The following TENM3 variants were observed in gnomAD, a reference collection of about 807,000 sequenced individuals.
TENM3 encodes teneurin-3.
In TENM3, 63 loss-of-function variants were observed where a neutral mutation model predicts 255.1. That is an observed-to-expected ratio of 0.25 (90% CI 0.20 to 0.30). The LOEUF (loss-of-function observed/expected upper bound fraction) is 0.30, where lower values mean the gene tolerates loss of function less well. Among genes scored for constraint, TENM3 ranks in the 10% least tolerant of loss-of-function variants. The pLI is 1.00. For synonymous variants in TENM3, 1,306 were observed against 1,322.3 expected, an observed-to-expected ratio of 0.99 and a Z score of 0.27; for missense variants, 2,929 against 3,461.1, an observed-to-expected ratio of 0.85 and a Z score of 3.86.
intron 3 of TENM3, among the ~76,000 whole-genome samples, chr4:182,360,753 A>T (rs536476664): frequency 1.3e-3 from 193 of 152,054 alleles, no homozygotes; most frequent in African/African-American, 4.2e-3. Flanking sequence ...TGTGAATTTG[A>T]ACCTGTCATT....
rs558843141 is a variant in TENM3 at position 182,189,752 on chromosome 4, G to T, written c.-76+44998G>T. On this transcript the variant is annotated intron_variant, in intron 1 of 2. Transcript: ENST00000512480. ...AGGCGTGTGGGTGTGTGTGTTGGGG[G>T]TGGTGGGGGCCAGGCTGCATGAGTG... 1.8e-3 allele frequency among the ~76,000 whole-genome samples: 277 copies of T among 152,218 alleles called. 2 individuals are homozygous for T. Among genetic ancestry groups the T allele is most frequent in the African/African-American group, 6.4e-3 (266 of 41,504 alleles).
chr4:182,184,952 G>A (rs1290385755), intron 1 of TENM3, among the ~76,000 whole-genome samples: 1 of 151,972 alleles, frequency 6.6e-6, no homozygotes, highest in African/African-American at 2.4e-5. Context: ...GCATGGTGGT[G>A]GGCGCCTGTG....
At chr4:182,235,524 G>A (rs1483519754) in intron 1 of TENM3, among the ~76,000 whole-genome samples, 1 of 152,156 alleles carries the variant, frequency 6.6e-6, no homozygotes, top group East Asian at 1.9e-4. Flanking sequence ...CCAAGATTTA[G>A]AGTAAGAATA....
the TENM3 span, among the ~76,000 whole-genome samples, chr4:181,508,039 T>G: frequency 6.6e-6 from 1 of 152,254 alleles, no homozygotes; most frequent in Non-Finnish European, 1.5e-5. Context: ...GGAAAAGCTT[T>G]AATTAGGCCT....
intron 6 of TENM3, among the ~76,000 whole-genome samples, chr4:182,657,467 G>A (rs1046348353): frequency 3.3e-5 from 5 of 151,832 alleles, no homozygotes; most frequent in African/African-American, 1.2e-4. Context: ...CATATTCCAG[G>A]TTCATCTTTG....
At chr4:182,382,482 G>A (rs1401644401) in intron 3 of TENM3, among the ~76,000 whole-genome samples, 1 of 152,026 alleles carries the variant, frequency 6.6e-6, no homozygotes, top group African/African-American at 2.4e-5. Context: ...CATTCACACT[G>A]CAGTTGAAGG....
At chr4:181,499,109 T>C in the TENM3 span, among the ~76,000 whole-genome samples, 1 of 152,198 alleles carries the variant, frequency 6.6e-6, no homozygotes, top group Admixed American at 6.5e-5. Flanking sequence ...TAATAGATAA[T>C]GACCCACAAC....
intron 1 of TENM3, among the ~76,000 whole-genome samples, chr4:182,228,237 G>A (rs1756314946): frequency 6.6e-6 from 1 of 151,678 alleles, no homozygotes; most frequent in African/African-American, 2.4e-5. Context: ...AGCTGTTCTT[G>A]CCACAAAATA....
the TENM3 span, among the ~76,000 whole-genome samples, chr4:181,763,397 A>T: frequency 6.6e-6 from 1 of 152,194 alleles, no homozygotes; most frequent in East Asian, 1.9e-4. Flanking sequence ...AATTTTCCAG[A>T]TAAAGTGTCA....
At chr4:182,229,615 T>C (rs1049642230) in intron 1 of TENM3, among the ~76,000 whole-genome samples, 2 of 151,464 alleles carry the variant, frequency 1.3e-5, no homozygotes, top group African/African-American at 4.9e-5. Context: ...TGTGTGTATA[T>C]ATATGTGTAT....
chr4:181,520,767 C>T, the TENM3 span, among the ~76,000 whole-genome samples: 3 of 152,128 alleles, frequency 2.0e-5, no homozygotes, highest in African/African-American at 7.2e-5. Flanking sequence ...ATATCAGGCA[C>T]CAAATGCAGG....
chr4:182,508,537 T>A (rs577653076), intron 3 of TENM3, among the ~76,000 whole-genome samples: 1 of 152,338 alleles, frequency 6.6e-6, no homozygotes, highest in East Asian at 1.9e-4. Flanking sequence ...TTATATCTAA[T>A]CAGAATGATA....
intron 12 of TENM3, among the ~76,000 whole-genome samples, chr4:182,713,290 G>A (rs1357590138): frequency 6.6e-6 from 1 of 152,098 alleles, no homozygotes. Context: ...TTTTATTGTG[G>A]TCCTTATGGT....
the TENM3 span, among the ~76,000 whole-genome samples, chr4:181,499,841 G>A: frequency 2.6e-5 from 4 of 152,174 alleles, no homozygotes; most frequent in African/African-American, 9.7e-5. Context: ...AGAGATAAGT[G>A]ACTTTTCAGA....
At chr4:182,298,866 G>A (rs982556775) in intron 1 of TENM3, among the ~76,000 whole-genome samples, 6 of 151,272 alleles carry the variant, frequency 4.0e-5, no homozygotes, top group Non-Finnish European at 5.9e-5. Flanking sequence ...CCGGCTACTC[G>A]GGAGGCTGAG....
At chr4:181,948,208 A>T in the TENM3 span, among the ~76,000 whole-genome samples, 1 of 152,328 alleles carries the variant, frequency 6.6e-6, no homozygotes, top group East Asian at 1.9e-4. Flanking sequence ...CTTAAGGAGA[A>T]TATGAGGTTC....
rs949478199 is a variant in TENM3, at chr4:182,799,640, C to T, written c.7389C>T (p.Ala2463=). Residue 2463 remains alanine, a synonymous_variant, in exon 28 of 28, where the codon GCC becomes GCT. Transcript: ENST00000511685. The surrounding 1 kb of genome is among the most constrained non-coding windows in gnomAD (Gnocchi z 4.2). ...VQQQVARQAK[A]FLSLGKMAEV... ...AGCAAGTGGCGCGGCAGGCCAAGGC[C>T]TTCCTGTCGCTGGGGAAGATGGCCG... The T allele has an allele frequency of 1.9e-5, 30 of 1,546,544 alleles. No homozygotes were observed. In the Admixed American group the frequency reaches 2.0e-4, roughly 10 times the overall value.
At chr4:182,105,254 C>T in the TENM3 span, among the ~76,000 whole-genome samples, 1 of 152,066 alleles carries the variant, frequency 6.6e-6, no homozygotes, top group African/African-American at 2.4e-5. Flanking sequence ...CAGCCCTCCC[C>T]GACCTTTCTG....
the TENM3 span, among the ~76,000 whole-genome samples, chr4:182,046,720 GC>G: frequency 6.6e-6 from 1 of 151,782 alleles, no homozygotes; most frequent in Admixed American, 6.6e-5. Flanking sequence ...ATAAAATGAG[GC>G]CCCATGTCTA....
Sources: allele counts gnomAD v4.1 joint callset (sites outside exome capture counted in the v4.1 genomes callset), GRCh38; gene constraint gnomAD v4.1.1; non-coding constraint Gnocchi (gnomAD v3.1); transcripts MANE v1.5; gene names NCBI Gene and HGNC (gene_info 2026-07-23, HGNC 2026-07-21).